ARHGEF3: variants seen among roughly 807,000 people sequenced by gnomAD.
ARHGEF3 encodes 59.8 kDA protein.
A neutral mutation model predicts 63.2 loss-of-function variants in ARHGEF3; 28 were observed. The observed-to-expected ratio is 0.44, with a 90% CI of 0.33 to 0.61. ARHGEF3 has a LOEUF of 0.61. Ranked by LOEUF, ARHGEF3 falls within the 20% of genes least tolerant of loss-of-function variation. The pLI is 0.03. For synonymous variants in ARHGEF3, 266 were observed against 254.2 expected (o/e 1.05, Z -0.44); for missense variants, 533 against 659.3 (o/e 0.81, Z 2.10).
intron 1 of ARHGEF3, among the ~76,000 whole-genome samples, chr3:57,040,328 T>C (rs2107251935): frequency 6.7e-6 from 1 of 149,922 alleles, no homozygotes; most frequent in Admixed American, 6.7e-5. Context: ...ATACAAAAAA[T>C]TAGCCAGCCG....
chr3:56,842,109 C>A (rs1384611964), intron 4 of ARHGEF3, among the ~76,000 whole-genome samples: 1 of 152,132 alleles, frequency 6.6e-6, no homozygotes, highest in Non-Finnish European at 1.5e-5. Flanking sequence ...TTCTCGGTTA[C>A]CAAGTTAGTT....
chr3:56,786,240 T>C (rs781581409), intron 1 of ARHGEF3, among the ~76,000 whole-genome samples: 1 of 152,174 alleles, frequency 6.6e-6, no homozygotes, highest in South Asian at 2.1e-4. Context: ...AAATTGGAAA[T>C]AAATTTTTAA....
chr3:57,012,164 C>A (rs770508540), intron 2 of ARHGEF3, among the ~76,000 whole-genome samples: 2 of 152,200 alleles, frequency 1.3e-5, no homozygotes, highest in Non-Finnish European at 2.9e-5. Flanking sequence ...ATTATTACAA[C>A]AATGCAATCA....
At chr3:56,802,356 C>T (rs2107973565), upstream of ARHGEF3, among the ~76,000 whole-genome samples, 1 of 152,288 alleles carries the variant, frequency 6.6e-6, no homozygotes, top group South Asian at 2.1e-4. Flanking sequence ...TAAAAGCCCA[C>T]ATTAGAAAGG....
At chr3:56,845,569 C>A (rs2039461550) in intron 4 of ARHGEF3, among the ~76,000 whole-genome samples, 1 of 152,168 alleles carries the variant, frequency 6.6e-6, no homozygotes, top group African/African-American at 2.4e-5. Flanking sequence ...CCTTTCCTTT[C>A]ACAGTGAGAG....
intron 4 of ARHGEF3, among the ~76,000 whole-genome samples, chr3:56,827,994 G>T (rs2038794621): frequency 7.2e-6 from 1 of 137,944 alleles, no homozygotes; most frequent in Admixed American, 7.5e-5. Flanking sequence ...TCAAGATCTT[G>T]CAGGTACTAC....
At chr3:57,066,590 AC>A (rs1186179127) in intron 1 of ARHGEF3, among the ~76,000 whole-genome samples, 7 of 152,150 alleles carry the variant, frequency 4.6e-5, no homozygotes, top group African/African-American at 1.7e-4. Context: ...CTTCTGAACA[AC>A]CTCAAACAGT....
chr3:56,750,026 C>T (rs1443291802), intron 6 of ARHGEF3, among the ~76,000 whole-genome samples: 4 of 152,084 alleles, frequency 2.6e-5, no homozygotes, highest in African/African-American at 9.7e-5. Context: ...ATAACCTTCA[C>T]AACACTCTCC....
In ARHGEF3 at chr3:56,812,223, A is replaced by C. The variant is rs537310868; in HGVS notation, c.193-38407T>G. 2.6e-5 allele frequency among the ~76,000 whole-genome samples: 4 copies of C among 152,372 alleles called. No individual in the cohort carries two copies. The South Asian group carries it at 8.3e-4, about 32-fold the overall frequency. On this transcript the variant is annotated intron_variant, in intron 4 of 12. Transcript: ENST00000338458. ...ACTTCTGAGATGGGACCAAAAAATAATATGCAGAATACTATAGTGGGCTGT... is the reference window on the plus strand; with the variant it reads ...ACTTCTGAGATGGGACCAAAAAATACTATGCAGAATACTATAGTGGGCTGT...
chr3:56,996,894 T>TATTATTATTA (rs201057893), intron 2 of ARHGEF3, among the ~76,000 whole-genome samples: 9,931 of 147,070 alleles, frequency 0.068, 451 homozygotes, highest in Non-Finnish European at 0.097. Context: ...ATTATTATTT[T>TATTATTATTA]TTTTTTTTTT....
At chr3:56,786,532 T>C (rs1283220985) in intron 1 of ARHGEF3, among the ~76,000 whole-genome samples, 1 of 152,220 alleles carries the variant, frequency 6.6e-6, no homozygotes, top group Non-Finnish European at 1.5e-5. Context: ...GCATTTTTAA[T>C]GACAAGAATT....
intron 2 of ARHGEF3, among the ~76,000 whole-genome samples, chr3:57,017,820 A>G (rs533435653): frequency 1.3e-5 from 2 of 152,346 alleles, no homozygotes; most frequent in South Asian, 4.1e-4. Context: ...CTCTTTCTAC[A>G]ACATCCAAAG....
intron 2 of ARHGEF3, among the ~76,000 whole-genome samples, chr3:57,003,985 T>C (rs980841659): frequency 2.0e-5 from 3 of 152,230 alleles, no homozygotes; most frequent in African/African-American, 4.8e-5. Context: ...AGATTTGTGG[T>C]AATTTGTTAC....
At chr3:56,872,695 A>G (rs992608617) in intron 4 of ARHGEF3, among the ~76,000 whole-genome samples, 1 of 151,946 alleles carries the variant, frequency 6.6e-6, no homozygotes, top group Non-Finnish European at 1.5e-5. Flanking sequence ...TTTTTAGTAA[A>G]GACAGAGTTT....
intron 2 of ARHGEF3, among the ~76,000 whole-genome samples, chr3:56,765,584 T>C (rs1388267325): frequency 6.6e-6 from 1 of 152,130 alleles, no homozygotes; most frequent in Non-Finnish European, 1.5e-5. Flanking sequence ...GGTAATTTCT[T>C]ACTTATTATT....
chr3:56,861,628 T>C (rs1319693172), intron 4 of ARHGEF3, among the ~76,000 whole-genome samples: 1 of 152,076 alleles, frequency 6.6e-6, no homozygotes, highest in African/African-American at 2.4e-5. Flanking sequence ...AAATGGAACC[T>C]GAGTATAAAA....
intron 2 of ARHGEF3, among the ~76,000 whole-genome samples, chr3:57,002,815 C>A (rs1379584855): frequency 6.7e-6 from 1 of 148,310 alleles, no homozygotes; most frequent in Non-Finnish European, 1.5e-5. Flanking sequence ...TGCTCTGTCA[C>A]CAGGCTGGAG....
chr3:56,907,997 C>A (rs1044853880), intron 3 of ARHGEF3, among the ~76,000 whole-genome samples: 1 of 152,164 alleles, frequency 6.6e-6, no homozygotes, highest in African/African-American at 2.4e-5. Flanking sequence ...CAAACCTGCA[C>A]ATGTACCCCT....
At chr3:57,009,510 T>C (rs1025836758) in intron 2 of ARHGEF3, among the ~76,000 whole-genome samples, 28 of 152,150 alleles carry the variant, frequency 1.8e-4, no homozygotes, top group Admixed American at 6.5e-5. Flanking sequence ...GGTGGATCTC[T>C]GAGCGGGGTG....
Sources: allele counts gnomAD v4.1 joint callset (sites outside exome capture counted in the v4.1 genomes callset), GRCh38; gene constraint gnomAD v4.1.1; transcripts MANE v1.5; gene names NCBI Gene and HGNC (gene_info 2026-07-23, HGNC 2026-07-21).